Variants in PTH2R observed in about 807,000 individuals in gnomAD.
PTH2R encodes the protein parathyroid hormone 2 receptor.
In PTH2R, 59 loss-of-function variants were observed where a neutral mutation model predicts 60.3. The observed-to-expected ratio is 0.98, with a 90% CI of 0.79 to 1.22. The LOEUF is 1.22. PTH2R is among the 50% of genes most tolerant of loss of function. PTH2R has a pLI of 0.00. For missense variants in PTH2R, 749 were observed against 682.6 expected, an observed-to-expected ratio of 1.10 and a Z score of -1.08; for synonymous variants, 256 against 243.8, an observed-to-expected ratio of 1.05 and a Z score of -0.47.
chr2:208,374,005 C>T (rs1396482841), intron 1 of PTH2R, among the ~76,000 whole-genome samples: 1 of 151,876 alleles, frequency 6.6e-6, no homozygotes, highest in Non-Finnish European at 1.5e-5. Context: ...ATAGTAGATT[C>T]AAGGCTGTTT....
rs766195222 is a variant in PTH2R at position 208,442,386 on chromosome 2, A to G, written c.434A>G (p.Tyr145Cys). 1.4e-5 allele frequency: 23 copies of G among 1,612,594 alleles called. No homozygotes were observed. In the South Asian group the frequency reaches 1.5e-4, roughly 11 times the overall value. ...IGKQEFFERL[Y>C]VMYTVGYSIS... ...CAGCAAGAATTCTTTGAACGCCTCT[A>G]TGTAATGTATACCGTTGGCTACTCC... Residue 145 changes from tyrosine to cysteine, a missense_variant, in exon 5 of 13, where the codon TAT becomes TGT. Transcript: ENST00000272847.
intron 9 of PTH2R, among the ~76,000 whole-genome samples, chr2:208,476,989 A>G (rs1262373332): frequency 6.6e-6 from 1 of 152,196 alleles, no homozygotes; most frequent in Non-Finnish European, 1.5e-5. Context: ...TTAAATGATT[A>G]CATCTTTTGC....
chr2:208,409,555 T>A (rs986844034), intron 1 of PTH2R, among the ~76,000 whole-genome samples: 9 of 152,152 alleles, frequency 5.9e-5, no homozygotes, highest in Non-Finnish European at 1.0e-4. Flanking sequence ...TTCAAAAAAA[T>A]TATAACATAT....
chr2:208,375,679 T>C (rs1700780269), intron 1 of PTH2R, among the ~76,000 whole-genome samples: 1 of 152,086 alleles, frequency 6.6e-6, no homozygotes, highest in South Asian at 2.1e-4. Flanking sequence ...TGATGTGATG[T>C]GATGTGATGT....
At chr2:208,455,989 A>T (rs1702504548) in intron 8 of PTH2R, among the ~76,000 whole-genome samples, 1 of 152,194 alleles carries the variant, frequency 6.6e-6, no homozygotes, top group African/African-American at 2.4e-5. Context: ...CTGTAATCCC[A>T]GTGCTTTGGG....
At chr2:208,446,787 A>G (rs1030693713) in intron 7 of PTH2R, among the ~76,000 whole-genome samples, 3 of 152,354 alleles carry the variant, frequency 2.0e-5, no homozygotes, top group African/African-American at 7.2e-5. Context: ...CTCTTATCTC[A>G]ACACTGAGAG....
intron 1 of PTH2R, among the ~76,000 whole-genome samples, chr2:208,423,690 G>A (rs1701800453): frequency 6.6e-6 from 1 of 152,204 alleles, no homozygotes; most frequent in Non-Finnish European, 1.5e-5. Context: ...AAAGGGGGTT[G>A]AAGTTTCCAG....
intron 10 of PTH2R, among the ~76,000 whole-genome samples, chr2:208,483,212 A>G (rs1406854728): frequency 2.6e-5 from 4 of 152,228 alleles, no homozygotes; most frequent in Non-Finnish European, 5.9e-5. Context: ...TATTTTTAAT[A>G]TGCTGTCAGT....
chr2:208,407,308 T>G (rs1248457350), intron 1 of PTH2R, among the ~76,000 whole-genome samples, 190 bp downstream of exon 1: 1 of 152,140 alleles, frequency 6.6e-6, no homozygotes, highest in Non-Finnish European at 1.5e-5. Flanking sequence ...AAAGATCTGC[T>G]TTAGTGGAGT....
intron 11 of PTH2R, among the ~76,000 whole-genome samples, chr2:208,490,433 T>C (rs1376912670): frequency 6.6e-6 from 1 of 152,190 alleles, no homozygotes; most frequent in African/African-American, 2.4e-5. Context: ...TAGTGACTTA[T>C]TTGGTTCAGC....
intron 1 of PTH2R, among the ~76,000 whole-genome samples, chr2:208,396,777 A>G (rs1481817898): frequency 6.6e-6 from 1 of 152,164 alleles, no homozygotes; most frequent in Non-Finnish European, 1.5e-5. Flanking sequence ...AACTAGAAAT[A>G]CCATTTGACC....
intron 1 of PTH2R, among the ~76,000 whole-genome samples, chr2:208,372,669 T>C (rs565934039): frequency 8.5e-5 from 13 of 152,194 alleles, no homozygotes; most frequent in African/African-American, 3.1e-4. Flanking sequence ...GGAAAATGCT[T>C]ACTCTAGGCA....
chr2:208,425,955 T>C (rs1286616042), intron 1 of PTH2R, among the ~76,000 whole-genome samples: 5 of 152,358 alleles, frequency 3.3e-5, no homozygotes, highest in Middle Eastern at 6.8e-3. Context: ...TTATATTCAT[T>C]TTATATGTAA....
chr2:208,476,004 T>A (rs1478311818), intron 9 of PTH2R, among the ~76,000 whole-genome samples: 7 of 152,310 alleles, frequency 4.6e-5, no homozygotes, highest in East Asian at 1.9e-4. Context: ...AAATTTTTTT[T>A]AAATAAATGT....
intron 9 of PTH2R, among the ~76,000 whole-genome samples, chr2:208,460,191 A>C (rs1702605289): frequency 6.6e-6 from 1 of 152,068 alleles, no homozygotes; most frequent in African/African-American, 2.4e-5. Context: ...GTCAATTCCG[A>C]GACTTCAAAA....
At chr2:208,485,002 T>A (rs2105908581) in intron 10 of PTH2R, among the ~76,000 whole-genome samples, 1 of 151,688 alleles carries the variant, frequency 6.6e-6, no homozygotes, top group South Asian at 2.1e-4. Context: ...ACAGAGAGAG[T>A]GGGAGAGATA....
chr2:208,403,476 C>A (rs1329588160), upstream of PTH2R, among the ~76,000 whole-genome samples: 1 of 152,078 alleles, frequency 6.6e-6, no homozygotes, highest in Non-Finnish European at 1.5e-5. Flanking sequence ...GTCCAGTTAG[C>A]ATTTGGACAG....
chr2:208,452,068 CA>C (rs1559224644), intron 8 of PTH2R, among the ~76,000 whole-genome samples: 1 of 152,154 alleles, frequency 6.6e-6, no homozygotes, highest in Non-Finnish European at 1.5e-5. Flanking sequence ...GTATAGATGA[CA>C]TTAATACATT....
intron 2 of PTH2R, among the ~76,000 whole-genome samples, chr2:208,432,403 C>T (rs1299797789): frequency 6.6e-6 from 1 of 152,088 alleles, no homozygotes; most frequent in Non-Finnish European, 1.5e-5. Flanking sequence ...GAAGATGAAT[C>T]TTAATTAATC....
Sources: gnomAD v4.1 joint callset for allele counts (sites outside exome capture counted in the v4.1 genomes callset) on GRCh38, gnomAD v4.1.1 for gene constraint, MANE v1.5 for transcripts, NCBI Gene and HGNC (gene_info 2026-07-23, HGNC 2026-07-21) for gene names.